Variants in CYP4F3 observed in about 807,000 individuals in gnomAD.
CYP4F3 encodes cytochrome P450 4F3.
CYP4F3 carries 50 observed loss-of-function variants against 54.8 expected under a neutral mutation model. The ratio of observed to expected loss-of-function variants is 0.91; its 90% CI spans 0.73 to 1.16. CYP4F3 has a LOEUF of 1.16. Among genes scored for constraint, CYP4F3 ranks in the 50% most tolerant of loss-of-function variants. The pLI is 0.00. For synonymous variants in CYP4F3, 244 were observed against 262.6 expected (o/e 0.93, Z 0.69); for missense variants, 715 against 676.2 (o/e 1.06, Z -0.64).
chr19:15,653,280 G>C (rs1369112546), intron 9 of CYP4F3, among the ~76,000 whole-genome samples: 3 of 152,262 alleles, frequency 2.0e-5, no homozygotes, highest in East Asian at 1.9e-4. Context: ...GTCTTCACTT[G>C]TTGAATGTTT....
At chr19:15,646,269 T>C (rs1449687890) in intron 3 of CYP4F3, among the ~76,000 whole-genome samples, 1 of 152,160 alleles carries the variant, frequency 6.6e-6, no homozygotes, top group Non-Finnish European at 1.5e-5. Context: ...GGCTGTTTTG[T>C]TCTTGTCGCA....
At chr19:15,653,738 GAGAGAGAGAGAGA>G (rs1972933019) in intron 9 of CYP4F3, among the ~76,000 whole-genome samples, 1 of 7,308 alleles carries the variant, frequency 1.4e-4, no homozygotes, top group Non-Finnish European at 2.4e-4. Flanking sequence ...AGAGAGAGGA[GAGAGAGAGAGAGA>G]GAGAGAGAGA....
rs1973171133 is a variant in CYP4F3, at chr19:15,661,019, TATC to T, written c.*1637_*1639del. 1 of 152,160 alleles carries T rather than the reference TATC, an allele frequency of 6.6e-6. No individual in the cohort carries two copies. 9.4% of individuals were successfully genotyped at this position (152,160 alleles called of 1,614,324 possible). ...GGCCCGGTCCAGTTTGATAGTTTGT[TATC>T]ATGTTATACGTACACTTAGAATAAT... is the stretch of plus-strand genomic sequence containing the variant. On this transcript the variant is annotated 3_prime_UTR_variant, in exon 13 of 13. Transcript: ENST00000221307.
intron 9 of CYP4F3, among the ~76,000 whole-genome samples, chr19:15,656,533 T>A (rs1973022975): frequency 8.6e-6 from 1 of 116,576 alleles, no homozygotes; most frequent in African/African-American, 2.9e-5. Context: ...ATTTCTATCA[T>A]CTATCAATGT....
In CYP4F3 at chr19:15,650,722, T is replaced by TTCTCTCTTTCTTTCTTTC. The variant is rs1266593816; in HGVS notation, c.918+542_918+543insCTCTTTCTTTCTTTCTCT. On this transcript the variant is annotated intron_variant, in intron 7 of 12. Transcript: ENST00000221307. ...TTTCTTTCTTTCTTTCTTTCTTTCT[T>TTCTCTCTTTCTTTCTTTC]TCTTTCTTTCTTTCTTTTCCTTCCT... is the stretch of plus-strand genomic sequence containing the variant. Among the ~76,000 whole-genome samples the TTCTCTCTTTCTTTCTTTC allele has an allele frequency of 4.3e-5, 2 of 46,740 alleles. 1 individual carries two copies. Among genetic ancestry groups the TTCTCTCTTTCTTTCTTTC allele is most frequent in the African/African-American group, 3.2e-4 (2 of 6,230 alleles). 30.7% of individuals were successfully genotyped at this position (46,740 alleles called of 152,430 possible).
chr19:15,649,532 C>T (rs556323914), intron 6 of CYP4F3, among the ~76,000 whole-genome samples: 41 of 152,224 alleles, frequency 2.7e-4, no homozygotes, highest in African/African-American at 9.9e-4. Context: ...ATGGAGTTAA[C>T]ACTGATGCAA....
At chr19:15,652,701 G>T in intron 8 of CYP4F3, 66 bp downstream of exon 8, 1 of 1,612,202 alleles carries the variant, frequency 6.2e-7, no homozygotes, top group Non-Finnish European at 8.5e-7. Flanking sequence ...CAGGGTGGGT[G>T]GACCCCTCGC....
rs1463882777 is a variant in CYP4F3, at chr19:15,658,330, A to G, written c.1182A>G (p.Pro394=). Residue 394 remains proline, a synonymous_variant, in exon 10 of 13, where the codon CCA becomes CCG. Coordinates refer to ENST00000221307, the MANE Select transcript of CYP4F3 (RefSeq NM_000896.3). ...CIKESLRLHP[P]VPAVSRCCTQ... is the part of the protein sequence containing the mutation. ...AGGAGAGCCTGAGGCTGCATCCCCC[A>G]GTCCCTGCCGTCTCTCGCTGCTGCA... is the stretch of plus-strand genomic sequence containing the variant. The G allele has an allele frequency of 6.2e-7, 1 of 1,613,962 alleles. No individual in the cohort carries two copies. Among genetic ancestry groups the G allele is most frequent in the Non-Finnish European group, 8.5e-7 (1 of 1,180,026 alleles).
chr19:15,650,005 A>G lies in CYP4F3; in HGVS notation c.740A>G (p.Tyr247Cys), dbSNP rs369988336. Residue 247 changes from tyrosine to cysteine, a missense_variant, in exon 7 of 13, where the codon TAT becomes TGT. By Grantham distance (194) the Tyr-to-Cys change is radical. Coordinates refer to ENST00000221307, the MANE Select transcript of CYP4F3 (RefSeq NM_000896.3). ...ATCCTCCTGTACATAGACTTCCTGTATTATCTCACCCCTGATGGGCAGCGT... is the reference window on the plus strand; with the variant it reads ...ATCCTCCTGTACATAGACTTCCTGTGTTATCTCACCCCTGATGGGCAGCGT... ...QQILLYIDFL[Y>C]YLTPDGQRFR... The G allele has an allele frequency of 2.8e-5, 45 of 1,614,046 alleles. No individual in the cohort carries two copies. The highest frequency in any genetic ancestry group is 3.6e-5 in the Non-Finnish European group (42 of 1,180,042).
intron 7 of CYP4F3, among the ~76,000 whole-genome samples, chr19:15,650,780 T>TTTCTTTCTTTCTTTCTTTC (rs1972807105): frequency 2.7e-5 from 1 of 36,846 alleles, no homozygotes; most frequent in African/African-American, 1.9e-4. Context: ...TCTTTCGTTC[T>TTTCTTTCTTTCTTTCTTTC]TTCTTTCTTT....
At chr19:15,643,453 G>A (rs546242987) in intron 2 of CYP4F3, among the ~76,000 whole-genome samples, 71 of 152,058 alleles carry the variant, frequency 4.7e-4, no homozygotes, top group Admixed American at 5.2e-4. Context: ...TAGATAGATA[G>A]ATAGACAGAC....
intron 2 of CYP4F3, among the ~76,000 whole-genome samples, chr19:15,642,980 G>C (rs764851185): frequency 6.6e-6 from 1 of 152,052 alleles, no homozygotes; most frequent in East Asian, 1.9e-4. Flanking sequence ...GATAGGTAGA[G>C]TGGATATGTA....
In CYP4F3 at chr19:15,645,946, C is replaced by T. The variant is rs1387943911; in HGVS notation, c.343+83C>T. 52 of 1,459,242 alleles carry T rather than the reference C, an allele frequency of 3.6e-5. No homozygotes were observed. The Middle Eastern group carries it at 7.4e-4, about 21-fold the overall frequency. The allele number at this position is 1,459,242 out of a possible 1,614,324, so 90.4% of individuals were successfully genotyped here. A position where few individuals can be genotyped will look rare whatever the true frequency, so the allele number is the denominator to read the frequency against. On this transcript the variant is annotated intron_variant, in intron 3 of 12. Transcript: ENST00000221307. The stretch of plus-strand genomic sequence containing the variant: ...GCTGGGGTCTCTGTGCTGCCTCCAG[C>T]GGGTCGCGTGCCCATGTGCAGACAG...
chr19:15,658,895 G>A, intron 12 of CYP4F3, 86 bp downstream of exon 12: 2 of 1,510,738 alleles, frequency 1.3e-6, no homozygotes, highest in Non-Finnish European at 1.8e-6. Flanking sequence ...GGACATTGTA[G>A]ACGGTCCGAG....
intron 2 of CYP4F3, among the ~76,000 whole-genome samples, chr19:15,643,402 GTAAA>G (rs60904037): frequency 0.14 from 19,502 of 143,304 alleles, 1,683 homozygotes; most frequent in African/African-American, 0.24. Flanking sequence ...ATATATATAG[GTAAA>G]TAGATAGATA....
intron 9 of CYP4F3, among the ~76,000 whole-genome samples, chr19:15,654,080 GC>G (rs1406545334): frequency 7.0e-6 from 1 of 143,354 alleles, no homozygotes; most frequent in Non-Finnish European, 1.6e-5. Flanking sequence ...CTCAAGCCAG[GC>G]CAGGGGCTGG....
chr19:15,641,697 G>A, intron 2 of CYP4F3, 84 bp downstream of exon 2: 2 of 1,301,716 alleles, frequency 1.5e-6, no homozygotes, highest in Non-Finnish European at 2.2e-6. Flanking sequence ...GTGAGAGGGG[G>A]TGGGCTGGGG....
Position 15,641,480 on chromosome 19 carries a change from T to A in CYP4F3, c.65T>A (p.Leu22Gln), listed in dbSNP as rs1236978294. 1 of 1,614,236 alleles carries A rather than the reference T, an allele frequency of 6.2e-7. No individual in the cohort carries two copies. The highest frequency in any genetic ancestry group is 8.5e-7 in the Non-Finnish European group (1 of 1,180,042). The change falls in exon 2 of 13, where the codon CTG becomes CAG. Residue 22 changes from leucine (L) to glutamine (Q), a missense_variant. Physicochemically the swap from Leu to Gln is moderately radical, Grantham distance 113 (BLOSUM62 -2). Coordinates refer to ENST00000221307, the MANE Select transcript of CYP4F3 (RefSeq NM_000896.3). ...ATGGCAGCATCCCCGTGGCTGCTCC[T>A]GCTGCTGGTTGGGGCCTCCTGGCTC... ...WPMAASPWLL[L>Q]LLVGASWLLA...
chr19:15,657,024 A>G (rs559867651), intron 9 of CYP4F3, among the ~76,000 whole-genome samples: 1 of 152,270 alleles, frequency 6.6e-6, no homozygotes, highest in South Asian at 2.1e-4. Context: ...TGCCTTCCAG[A>G]GTGTCTGTAC....
Sources: allele counts gnomAD v4.1 joint callset (sites outside exome capture counted in the v4.1 genomes callset), GRCh38; gene constraint gnomAD v4.1.1; transcripts MANE v1.5; gene names NCBI Gene and HGNC (gene_info 2026-07-23, HGNC 2026-07-21).